Variants in IFRD1 observed in about 807,000 individuals in gnomAD.
The protein encoded by IFRD1 is interferon-related developmental regulator 1.
Under a neutral mutation model 52.9 loss-of-function variants are expected in IFRD1, and 35 were observed. That is an observed-to-expected ratio of 0.66 (90% confidence interval 0.51 to 0.88). The LOEUF (loss-of-function observed/expected upper bound fraction) is 0.88, where lower values mean the gene tolerates loss of function less well. Among genes scored for constraint, IFRD1 ranks in the 40% least tolerant of loss-of-function variants. IFRD1 has a pLI of 0.00. For synonymous variants in IFRD1, 184 were observed against 188.4 expected (o/e 0.98, Z 0.19); for missense variants, 517 against 550.8 (o/e 0.94, Z 0.61).
rs565463157 is a variant in IFRD1, at chr7:112,436,974, T to A, written c.-181-13534T>A. 2.2e-4 allele frequency among the ~76,000 whole-genome samples: 33 copies of A among 152,266 alleles called. No individual in the cohort carries two copies. In the South Asian group the frequency reaches 6.0e-3, roughly 28 times the overall value. Reference sequence around the variant, plus strand: ...AGATTAAGCTGAATAGGTGCATAAATCAGGCTAAAGAGAACAGTTTTTTTT... The same window carrying A: ...AGATTAAGCTGAATAGGTGCATAAAACAGGCTAAAGAGAACAGTTTTTTTT... On this transcript the variant is annotated intron_variant, in intron 1 of 12. Coordinates refer to the IFRD1 transcript ENST00000005558.
chr7:112,475,482 G>A lies in IFRD1; in HGVS notation c.1319G>A (p.Cys440Tyr), dbSNP rs1388479118. ...FKARTKARSKCRDKRADVGEF... is the reference protein window; with the variant it reads ...FKARTKARSKYRDKRADVGEF... ...GCTCGAACCAAAGCTAGAAGCAAAT[G>A]TCGAGATAAGAGAGCAGATGTTGGA... Residue 440 changes from cysteine (C) to tyrosine (Y), a missense_variant, in exon 12 of 12, where the codon TGT (cysteine) becomes TAT (tyrosine). Physicochemically the swap from Cys to Tyr is radical, Grantham distance 194. Transcript: ENST00000403825. 5.0e-6 allele frequency: 8 copies of A among 1,611,216 alleles called. No individual in the cohort carries two copies. Among genetic ancestry groups the A allele is most frequent in the Non-Finnish European group, 6.8e-6 (8 of 1,177,850 alleles).
chr7:112,424,075 G>C (rs1794377433), intron 1 of IFRD1, among the ~76,000 whole-genome samples: 1 of 152,146 alleles, frequency 6.6e-6, no homozygotes, highest in African/African-American at 2.4e-5. Context: ...TTTTCTTTGG[G>C]GGCAGAAAGT....
chr7:112,450,913 C>A (rs1795144210), intron 1 of IFRD1, 131 bp downstream of exon 1: 2 of 717,670 alleles, frequency 2.8e-6, no homozygotes, highest in African/African-American at 1.8e-5. Flanking sequence ...CGTGGTTTGG[C>A]TACTGAACTA....
chr7:112,433,847 G>A (rs1207077645), intron 1 of IFRD1, among the ~76,000 whole-genome samples: 2 of 152,092 alleles, frequency 1.3e-5, no homozygotes, highest in African/African-American at 2.4e-5. Flanking sequence ...TTGAGACAGA[G>A]TCTCGCTAGG....
chr7:112,466,118 G>A (rs1795602731), intron 8 of IFRD1, among the ~76,000 whole-genome samples: 1 of 151,646 alleles, frequency 6.6e-6, no homozygotes, highest in Admixed American at 6.6e-5. Flanking sequence ...TTATTTCTCT[G>A]GGAGCTCATT....
intron 1 of IFRD1, among the ~76,000 whole-genome samples, chr7:112,432,414 C>T (rs977613235): frequency 6.6e-6 from 1 of 152,126 alleles, no homozygotes; most frequent in Non-Finnish European, 1.5e-5. Context: ...AAGTAACTTG[C>T]AGTTAGAGAC....
chr7:112,463,405 T>C (rs1372544684), intron 8 of IFRD1, among the ~76,000 whole-genome samples: 1 of 152,228 alleles, frequency 6.6e-6, no homozygotes, highest in African/African-American at 2.4e-5. Flanking sequence ...TGTATAGTCA[T>C]TCATATTCCA....
intron 9 of IFRD1, 32 bp downstream of exon 9, chr7:112,468,147 A>G (rs1295695358): frequency 6.2e-7 from 1 of 1,607,982 alleles, no homozygotes; most frequent in Non-Finnish European, 8.5e-7. Context: ...ATAGCTTCTC[A>G]TTTTGAAATT....
intron 1 of IFRD1, among the ~76,000 whole-genome samples, chr7:112,428,893 G>T (rs1274711400): frequency 6.6e-6 from 1 of 151,990 alleles, no homozygotes; most frequent in African/African-American, 2.4e-5. Context: ...ACAAAACGTT[G>T]ACATCATGTC....
At chr7:112,430,127 T>G (rs367888394) in intron 1 of IFRD1, among the ~76,000 whole-genome samples, 2 of 152,222 alleles carry the variant, frequency 1.3e-5, no homozygotes, top group African/African-American at 2.4e-5. Context: ...CTGCCCACTC[T>G]CATTCCACAG....
At chr7:112,441,651 G>T (rs1338502469) in intron 1 of IFRD1, among the ~76,000 whole-genome samples, 2 of 152,174 alleles carry the variant, frequency 1.3e-5, no homozygotes, top group Non-Finnish European at 2.9e-5. Flanking sequence ...GCAGATGATA[G>T]CTACTTTTTA....
At chr7:112,441,651 G>A (rs1338502469) in intron 1 of IFRD1, among the ~76,000 whole-genome samples, 1 of 152,174 alleles carries the variant, frequency 6.6e-6, no homozygotes, top group Non-Finnish European at 1.5e-5. Context: ...GCAGATGATA[G>A]CTACTTTTTA....
In IFRD1 at chr7:112,461,784, G is replaced by T. The variant is rs773274509; in HGVS notation, c.568-82G>T. Reference sequence around the variant, plus strand: ...ATTATGCTGCTGAGAACATTTTCACGTTGAATTATAAAAGCAGGAAGATGT... The same window carrying T: ...ATTATGCTGCTGAGAACATTTTCACTTTGAATTATAAAAGCAGGAAGATGT... On this transcript the variant is annotated intron_variant, in intron 5 of 11. Transcript: ENST00000403825. 1.4e-5 allele frequency: 11 copies of T among 776,286 alleles called. 1 individual carries two copies. The South Asian group carries it at 2.1e-4, about 15-fold the overall frequency. 48.1% of individuals were successfully genotyped at this position (776,286 alleles called of 1,614,324 possible).
In IFRD1 at chr7:112,468,788, G is replaced by A. The variant is rs561671340; in HGVS notation, c.1041+673G>A. 7.2e-5 allele frequency among the ~76,000 whole-genome samples: 11 copies of A among 152,282 alleles called. No homozygotes were observed. The South Asian group carries it at 1.0e-3, about 14-fold the overall frequency. ...GCTGGGATTACAGGCGTGAGCCACCGTGCCAGAGATCTTCATGATCTTTCT... is the reference window on the plus strand; with the variant it reads ...GCTGGGATTACAGGCGTGAGCCACCATGCCAGAGATCTTCATGATCTTTCT... On this transcript the variant is annotated intron_variant, in intron 9 of 11. Coordinates refer to ENST00000403825, the MANE Select transcript of IFRD1 (RefSeq NM_001550.4).
intron 1 of IFRD1, chr7:112,452,597 T>A: frequency 4.0e-6 from 1 of 248,892 alleles, no homozygotes; most frequent in Non-Finnish European, 6.4e-6. Context: ...ATGTTAGTAA[T>A]GGCCTAGATC....
chr7:112,453,748 T>G (rs1194313023), intron 1 of IFRD1, among the ~76,000 whole-genome samples: 2 of 152,224 alleles, frequency 1.3e-5, no homozygotes, highest in East Asian at 3.8e-4. Context: ...GCTTCATTGC[T>G]TAATCTTTAT....
chr7:112,451,333 T>C lies in IFRD1; in HGVS notation c.94+551T>C, dbSNP rs963687950. Among the ~76,000 whole-genome samples the C allele has an allele frequency of 2.6e-5, 4 of 152,320 alleles. No homozygotes were observed. In the East Asian group the frequency reaches 5.8e-4, roughly 22 times the overall value. ...AAGCTTTCCGTCTCGCAGGTCCACC[T>C]GGCCAGGCGAAGGCGTCGGAGGCGG... On this transcript the variant is annotated intron_variant, in intron 1 of 11. Coordinates refer to ENST00000403825, the MANE Select transcript of IFRD1 (RefSeq NM_001550.4).
At chr7:112,465,524 A>C (rs146611796) in intron 8 of IFRD1, among the ~76,000 whole-genome samples, 70 of 152,262 alleles carry the variant, frequency 4.6e-4, no homozygotes, top group Admixed American at 1.0e-3. Flanking sequence ...TGTTGTATTT[A>C]TATTGTGTTA....
chr7:112,427,744 C>A (rs999342733), intron 1 of IFRD1, among the ~76,000 whole-genome samples: 1 of 152,196 alleles, frequency 6.6e-6, no homozygotes, highest in African/African-American at 2.4e-5. Flanking sequence ...GAGAATAACT[C>A]ATGTAGTGCT....
Sources: allele counts gnomAD v4.1 joint callset (sites outside exome capture counted in the v4.1 genomes callset), GRCh38; gene constraint gnomAD v4.1.1; transcripts MANE v1.5; gene names NCBI Gene and HGNC (gene_info 2026-07-23, HGNC 2026-07-21).